Variants in STK33 observed in about 807,000 individuals in gnomAD.
STK33 encodes the protein serine/threonine kinase 33, also known as serine/threonine-protein kinase 33.
STK33 carries 52 observed loss-of-function variants against 58.0 expected under a neutral mutation model. That is an observed-to-expected ratio of 0.90 (90% CI 0.72 to 1.13). STK33 has a LOEUF of 1.13. STK33 is among the 50% of genes most tolerant of loss of function. The pLI is 0.00. For missense variants in STK33, 630 were observed against 604.2 expected, an observed-to-expected ratio of 1.04 and a Z score of -0.45; for synonymous variants, 215 against 200.1, an observed-to-expected ratio of 1.07 and a Z score of -0.63.
At chr11:8,591,605 C>T (rs989609644) in intron 1 of STK33, among the ~76,000 whole-genome samples, 1 of 152,152 alleles carries the variant, frequency 6.6e-6, no homozygotes, top group Non-Finnish European at 1.5e-5. Flanking sequence ...TTCCCTCATC[C>T]TCCATACAGG....
the STK33 span, among the ~76,000 whole-genome samples, chr11:8,378,674 C>A: frequency 6.6e-6 from 1 of 152,138 alleles, no homozygotes; most frequent in African/African-American, 2.4e-5. Context: ...AACTATAATT[C>A]AAGATGAGGT....
At chr11:8,562,363 C>G (rs1276379232) in intron 1 of STK33, among the ~76,000 whole-genome samples, 2 of 152,162 alleles carry the variant, frequency 1.3e-5, no homozygotes, top group Non-Finnish European at 2.9e-5. Context: ...TTCTTTCTCT[C>G]TGTCTCCATT....
intron 1 of STK33, among the ~76,000 whole-genome samples, chr11:8,523,288 G>A (rs1273064796): frequency 6.0e-5 from 9 of 150,018 alleles, no homozygotes; most frequent in South Asian, 2.1e-4. Context: ...CTGCCCAGCC[G>A]CCCAGTCTGG....
chr11:8,400,203 T>C (rs1009753990), intron 15 of STK33, among the ~76,000 whole-genome samples: 26 of 152,114 alleles, frequency 1.7e-4, no homozygotes, highest in Admixed American at 1.6e-3. Context: ...TGATAAACAT[T>C]GATGCAAAAA....
At chr11:8,336,162 C>T in the STK33 span, among the ~76,000 whole-genome samples, 3 of 152,244 alleles carry the variant, frequency 2.0e-5, no homozygotes, top group African/African-American at 7.2e-5. Context: ...CACCTGCCCT[C>T]GTATGACCTT....
intron 14 of STK33, among the ~76,000 whole-genome samples, chr11:8,426,196 G>A (rs1590958502): frequency 6.6e-6 from 1 of 152,216 alleles, no homozygotes. Context: ...CCAGAAGGGA[G>A]ATGGAGTGGG....
the STK33 span, among the ~76,000 whole-genome samples, chr11:8,386,719 C>T: frequency 3.0e-4 from 45 of 152,290 alleles, no homozygotes; most frequent in African/African-American, 8.7e-4. Flanking sequence ...AACGTCACTG[C>T]GCCTAACCGT....
intron 14 of STK33, among the ~76,000 whole-genome samples, chr11:8,426,123 G>A (rs539712239): frequency 3.9e-5 from 6 of 152,162 alleles, no homozygotes; most frequent in Non-Finnish European, 7.3e-5. Context: ...CTGATCACAC[G>A]CGGGCTTGGA....
chr11:8,357,951 C>A, the STK33 span, among the ~76,000 whole-genome samples: 2 of 152,212 alleles, frequency 1.3e-5, no homozygotes, highest in South Asian at 4.1e-4. Context: ...TGGCCACTAT[C>A]GACTCTGAAG....
chr11:8,379,798 C>T, the STK33 span, among the ~76,000 whole-genome samples: 1 of 152,026 alleles, frequency 6.6e-6, no homozygotes, highest in Non-Finnish European at 1.5e-5. Context: ...TCTGATAGGC[C>T]CCCGTGTCTG....
At chr11:8,354,191 T>C in the STK33 span, among the ~76,000 whole-genome samples, 3 of 151,980 alleles carry the variant, frequency 2.0e-5, no homozygotes, top group East Asian at 5.8e-4. Flanking sequence ...TTTCTCCACA[T>C]GAAACAGCTC....
chr11:8,584,109 TGAAA>T (rs767920741), intron 1 of STK33, among the ~76,000 whole-genome samples: 1,210 of 75,004 alleles, frequency 0.016, 9 homozygotes, highest in Middle Eastern at 0.097. Flanking sequence ...GGAATTTAGA[TGAAA>T]AAAAAAAAAA....
intron 1 of STK33, among the ~76,000 whole-genome samples, chr11:8,526,293 G>A (rs748476435): frequency 6.6e-6 from 1 of 151,926 alleles, no homozygotes; most frequent in African/African-American, 2.4e-5. Flanking sequence ...TCGGGAGGCT[G>A]AGGCAGGAGA....
At chr11:8,436,922 T>C (rs1564959273) in intron 12 of STK33, among the ~76,000 whole-genome samples, 1 of 152,204 alleles carries the variant, frequency 6.6e-6, no homozygotes, top group Non-Finnish European at 1.5e-5. Context: ...GGCCTCGAAC[T>C]TCTGACATCA....
chr11:8,491,321 A>G (rs2138677464), intron 1 of STK33, among the ~76,000 whole-genome samples: 1 of 152,364 alleles, frequency 6.6e-6, no homozygotes. Flanking sequence ...AGCCGATTTG[A>G]TCAAGTGGAA....
intron 1 of STK33, among the ~76,000 whole-genome samples, chr11:8,546,145 A>G (rs1365399380): frequency 1.3e-5 from 2 of 152,242 alleles, no homozygotes; most frequent in African/African-American, 4.8e-5. Flanking sequence ...GGACAGGAAG[A>G]TACTCTGGGT....
chr11:8,415,529 T>C (rs976642213), intron 14 of STK33, among the ~76,000 whole-genome samples: 5 of 152,130 alleles, frequency 3.3e-5, no homozygotes, highest in Non-Finnish European at 7.4e-5. Flanking sequence ...TCCCTCAGCC[T>C]GGGTTCCTGA....
chr11:8,377,662 G>A, the STK33 span, among the ~76,000 whole-genome samples: 2 of 152,140 alleles, frequency 1.3e-5, no homozygotes, highest in African/African-American at 4.8e-5. Context: ...TGGAAAAGAG[G>A]AGGTCAAACT....
chr11:8,540,940 G>C (rs1049534209), intron 1 of STK33, among the ~76,000 whole-genome samples: 1 of 149,104 alleles, frequency 6.7e-6, no homozygotes, highest in Non-Finnish European at 1.5e-5. Context: ...TATGTGAATC[G>C]GCTTCACTAT....
Sources: allele counts gnomAD v4.1 joint callset (sites outside exome capture counted in the v4.1 genomes callset), GRCh38; gene constraint gnomAD v4.1.1; transcripts MANE v1.5; gene names NCBI Gene and HGNC (gene_info 2026-07-23, HGNC 2026-07-21).